MICU1: variants seen among roughly 807,000 people sequenced by gnomAD.
MICU1 encodes mitochondrial calcium uptake 1, also known as calcium uptake protein 1, mitochondrial.
A neutral mutation model predicts 56.8 loss-of-function variants in MICU1; 45 were observed. The ratio of observed to expected loss-of-function variants is 0.79; its 90% confidence interval spans 0.62 to 1.02. The LOEUF (loss-of-function observed/expected upper bound fraction) is 1.02. Among genes scored for constraint, MICU1 ranks in the 50% least tolerant of loss-of-function variants. MICU1 has a pLI of 0.00. For synonymous variants in MICU1, 186 were observed against 195.1 expected (o/e 0.95, Z 0.39); for missense variants, 504 against 587.1 (o/e 0.86, Z 1.46).
intron 11 of MICU1, among the ~76,000 whole-genome samples, chr10:72,374,076 G>A (rs973110456): frequency 3.3e-5 from 5 of 152,154 alleles, no homozygotes; most frequent in African/African-American, 4.8e-5. Context: ...CTTCCTTTGA[G>A]TTCAACCTTG....
At chr10:72,423,478 G>T in intron 8 of MICU1, 107 bp from the exon 9 acceptor site, 2 of 1,328,156 alleles carry the variant, frequency 1.5e-6, no homozygotes, top group Non-Finnish European at 1.0e-6. Context: ...TGATGACTGG[G>T]ACTATATTTT....
chr10:72,415,605 C>T (rs1006341643), intron 9 of MICU1, among the ~76,000 whole-genome samples: 4 of 152,134 alleles, frequency 2.6e-5, no homozygotes, highest in African/African-American at 7.2e-5. Context: ...TTATCCCTTC[C>T]GCTCACAACA....
chr10:72,469,031 T>C (rs1214617279), intron 8 of MICU1, among the ~76,000 whole-genome samples: 2 of 152,222 alleles, frequency 1.3e-5, no homozygotes, highest in African/African-American at 2.4e-5. Context: ...CTGTGACTTT[T>C]ACCTCTTTGT....
intron 1 of MICU1, among the ~76,000 whole-genome samples, chr10:72,573,307 C>CA (rs58866778): frequency 0.38 from 7,876 of 20,876 alleles, 1,671 homozygotes; most frequent in East Asian, 0.67. Flanking sequence ...CCCATCACTA[C>CA]AAAAAAAAAA....
At chr10:72,548,019 C>T (rs1839939142) in intron 4 of MICU1, among the ~76,000 whole-genome samples, 1 of 152,204 alleles carries the variant, frequency 6.6e-6, no homozygotes, top group Non-Finnish European at 1.5e-5. Context: ...CAATTCTCAG[C>T]AGTAAGTGTT....
At chr10:72,464,651 T>G (rs191947258) in intron 8 of MICU1, among the ~76,000 whole-genome samples, 6 of 152,336 alleles carry the variant, frequency 3.9e-5, no homozygotes, top group Middle Eastern at 3.4e-3. Flanking sequence ...CACTCTACGA[T>G]GTTTGCACAA....
chr10:72,522,385 T>G (rs1024589015), intron 5 of MICU1, among the ~76,000 whole-genome samples: 1 of 152,140 alleles, frequency 6.6e-6, no homozygotes, highest in African/African-American at 2.4e-5. Flanking sequence ...TCAAATGGGT[T>G]CATTGATCCC....
At chr10:72,425,860 A>AG (rs1332977140) in intron 8 of MICU1, among the ~76,000 whole-genome samples, 1 of 152,134 alleles carries the variant, frequency 6.6e-6, no homozygotes, top group African/African-American at 2.4e-5. Context: ...CACTATGCTA[A>AG]GGCTAGGGAA....
At chr10:72,562,147 C>CTTTTTTTTTTTT (rs533702573) in intron 3 of MICU1, among the ~76,000 whole-genome samples, 7 of 82,648 alleles carry the variant, frequency 8.5e-5, no homozygotes, top group Admixed American at 1.7e-4. Flanking sequence ...TACATAAAAT[C>CTTTTTTTTTTTT]TTTTTTTTTT....
At chr10:72,591,903 C>G (rs1040620054) in intron 1 of MICU1, among the ~76,000 whole-genome samples, 2 of 151,128 alleles carry the variant, frequency 1.3e-5, no homozygotes, top group African/African-American at 4.9e-5. Flanking sequence ...CTCAGCTACT[C>G]GAGAGGCTGA....
chr10:72,489,832 T>C (rs1384429130), intron 6 of MICU1, among the ~76,000 whole-genome samples: 1 of 152,186 alleles, frequency 6.6e-6, no homozygotes, highest in Non-Finnish European at 1.5e-5. Context: ...AAGATATACT[T>C]GAATGATTAG....
chr10:72,625,013 C>T (rs1426884527), intron 1 of MICU1, among the ~76,000 whole-genome samples: 1 of 152,212 alleles, frequency 6.6e-6, no homozygotes, highest in East Asian at 1.9e-4. Flanking sequence ...AACTCTCCTA[C>T]AGCTATCCAC....
At position 72,569,227 on chromosome 10, in the gene MICU1, A is replaced by ATTTTTTTTTT. The variant is rs1457174727; in HGVS notation, c.-1-2434_-1-2433insAAAAAAAAAA. ...TATGCATATATATATATATATATAT[A>ATTTTTTTTTT]TATATATATATTTTTTTTTTTTTTT... is the stretch of plus-strand genomic sequence containing the variant. On this transcript the variant is annotated intron_variant, in intron 1 of 11. Transcript: ENST00000361114. Among the ~76,000 whole-genome samples the ATTTTTTTTTT allele has an allele frequency of 1.5e-4, 6 of 40,592 alleles. 1 individual carries two copies. The highest frequency in any genetic ancestry group is 4.3e-4 in the African/African-American group (4 of 9,218). The allele number at this position is 40,592 out of a possible 152,430, so 26.6% of individuals were successfully genotyped here. A position where few individuals can be genotyped will look rare whatever the true frequency, so the allele number is the denominator to read the frequency against.
intron 5 of MICU1, chr10:72,523,905 AT>A: frequency 6.6e-7 from 1 of 1,508,316 alleles, no homozygotes; most frequent in Non-Finnish European, 8.8e-7. Context: ...AAAGTCATTG[AT>A]TAGCTCAGAA....
intron 8 of MICU1, among the ~76,000 whole-genome samples, chr10:72,471,276 G>C (rs1001065829): frequency 2.6e-5 from 4 of 152,130 alleles, no homozygotes; most frequent in Non-Finnish European, 5.9e-5. Flanking sequence ...AGTAGAGATG[G>C]GGTTTCACCA....
At chr10:72,615,291 T>C (rs1732816802) in intron 1 of MICU1, among the ~76,000 whole-genome samples, 1 of 152,174 alleles carries the variant, frequency 6.6e-6, no homozygotes, top group Admixed American at 6.5e-5. Flanking sequence ...CTAATTTTTG[T>C]ATTTTTACTA....
intron 8 of MICU1, among the ~76,000 whole-genome samples, chr10:72,453,332 A>G (rs966932778): frequency 1.3e-5 from 2 of 152,220 alleles, no homozygotes; most frequent in Non-Finnish European, 2.9e-5. Context: ...AGTTAGCACA[A>G]GAATATACCA....
At chr10:72,621,891 C>T (rs1222342109) in intron 1 of MICU1, among the ~76,000 whole-genome samples, 3 of 151,942 alleles carry the variant, frequency 2.0e-5, no homozygotes, top group Admixed American at 6.6e-5. Flanking sequence ...TTTTATATTG[C>T]AAAAGGAAAC....
rs58866778 is a variant in MICU1 at position 72,573,307 on chromosome 10, C to CAAAAAAAA, written c.-1-6521_-1-6514dup. Among the ~76,000 whole-genome samples, 23 of 21,024 alleles carry CAAAAAAAA rather than the reference C, an allele frequency of 1.1e-3. 2 individuals are homozygous for CAAAAAAAA. The highest frequency in any genetic ancestry group is 2.7e-3 in the East Asian group (2 of 746). 13.8% of individuals were successfully genotyped at this position (21,024 alleles called of 152,430 possible). A position where few individuals can be genotyped will look rare whatever the true frequency, so the allele number is the denominator to read the frequency against. The stretch of plus-strand genomic sequence containing the variant: ...AAACATAATGAGACCCCCATCACTA[C>CAAAAAAAA]AAAAAAAAAAAAAAAAAAAAAAAAA... On this transcript the variant is annotated intron_variant, in intron 1 of 11. Coordinates refer to ENST00000361114, the MANE Select transcript of MICU1 (RefSeq NM_001195518.2).
Sources: gnomAD v4.1 joint callset for allele counts (sites outside exome capture counted in the v4.1 genomes callset) on GRCh38, gnomAD v4.1.1 for gene constraint, MANE v1.5 for transcripts, NCBI Gene and HGNC (gene_info 2026-07-23, HGNC 2026-07-21) for gene names.